The following MAP3K5 variants were observed in gnomAD, a reference collection of about 807,000 sequenced individuals.
MAP3K5 encodes mitogen-activated protein kinase kinase kinase 5.
Under a neutral mutation model 158.7 loss-of-function variants are expected in MAP3K5, and 56 were observed. That is an observed-to-expected ratio of 0.35 (90% CI 0.28 to 0.44). The LOEUF (loss-of-function observed/expected upper bound fraction) is 0.44, where lower values mean the gene tolerates loss of function less well. Ranked by LOEUF, MAP3K5 falls within the 20% of genes least tolerant of loss-of-function variation. The pLI, the probability that MAP3K5 is intolerant of heterozygous loss-of-function variation, is 1.00. For synonymous variants in MAP3K5, 579 were observed against 601.7 expected (o/e 0.96, Z 0.55); for missense variants, 1,294 against 1,674.8 (o/e 0.77, Z 3.97).
At position 136,785,764 on chromosome 6, in the gene MAP3K5, C is replaced by T. The variant is rs115052370; in HGVS notation, c.448+5946G>A. On this transcript the variant is annotated intron_variant, in intron 1 of 29. Transcript: ENST00000359015. ...CCACTCCAAGTTGATGCTTCTCCTA[C>T]ATCTGGCCAAGATGCTACTCAGAGG... 1.4e-3 allele frequency among the ~76,000 whole-genome samples: 209 copies of T among 152,316 alleles called. 1 individual carries two copies. Among genetic ancestry groups the T allele is most frequent in the African/African-American group, 4.6e-3 (191 of 41,570 alleles).
intron 21 of MAP3K5, among the ~76,000 whole-genome samples, chr6:136,598,701 A>G (rs778419049): frequency 6.6e-6 from 1 of 152,222 alleles, no homozygotes; most frequent in Non-Finnish European, 1.5e-5. Context: ...TGGGAGGTAG[A>G]GAACCTTGAG....
At chr6:136,641,906 T>C (rs1257979259) in intron 12 of MAP3K5, among the ~76,000 whole-genome samples, 1 of 151,470 alleles carries the variant, frequency 6.6e-6, no homozygotes, top group African/African-American at 2.4e-5. Context: ...GAGAACATTT[T>C]GGACCTGGGA....
chr6:136,579,009 T>C (rs1345307116), intron 25 of MAP3K5, among the ~76,000 whole-genome samples: 2 of 142,544 alleles, frequency 1.4e-5, no homozygotes, highest in African/African-American at 2.6e-5. Flanking sequence ...CATCTCTACT[T>C]AAAAAAAAAA....
chr6:136,747,157 T>C (rs1394943401), intron 1 of MAP3K5, among the ~76,000 whole-genome samples: 1 of 152,228 alleles, frequency 6.6e-6, no homozygotes, highest in African/African-American at 2.4e-5. Flanking sequence ...CTGGTCTTAT[T>C]GGCCTCCCAA....
chr6:136,657,325 G>GT (rs1262119791), intron 9 of MAP3K5, among the ~76,000 whole-genome samples: 1 of 152,190 alleles, frequency 6.6e-6, no homozygotes, highest in Non-Finnish European at 1.5e-5. Flanking sequence ...AAACATGGAA[G>GT]TTAACATTCC....
At chr6:136,622,401 G>C (rs1776845902) in intron 15 of MAP3K5, among the ~76,000 whole-genome samples, 1 of 152,048 alleles carries the variant, frequency 6.6e-6, no homozygotes. Context: ...CAATTTCAGG[G>C]GCAGCTGCCT....
intron 26 of MAP3K5, among the ~76,000 whole-genome samples, chr6:136,562,895 T>G (rs1830581411): frequency 6.8e-6 from 1 of 147,574 alleles, no homozygotes; most frequent in Non-Finnish European, 1.5e-5. Context: ...CAAGCTGGTC[T>G]CTGAACTCCT....
chr6:136,702,113 G>A (rs990126774), intron 3 of MAP3K5, among the ~76,000 whole-genome samples: 1 of 152,020 alleles, frequency 6.6e-6, no homozygotes, highest in African/African-American at 2.4e-5. Flanking sequence ...AGCATGCTAA[G>A]GGTTTTCCCA....
chr6:136,659,422 A>G lies in MAP3K5; in HGVS notation c.1367-44T>C, dbSNP rs761595396. ...GTAGAATGTTACAAATGCACCCCAC[A>G]CAGGTAGAACCAGGTTTTCACTAAA... On this transcript the variant is annotated intron_variant, in intron 8 of 29. Coordinates refer to ENST00000359015, the MANE Select transcript of MAP3K5 (RefSeq NM_005923.4). 8 of 1,570,518 alleles carry G rather than the reference A, an allele frequency of 5.1e-6. No homozygotes were observed. In the Admixed American group the frequency reaches 1.2e-4, roughly 23 times the overall value.
intron 25 of MAP3K5, among the ~76,000 whole-genome samples, chr6:136,572,897 G>A (rs749351523): frequency 4.6e-5 from 7 of 152,132 alleles, no homozygotes; most frequent in African/African-American, 7.2e-5. Flanking sequence ...ACAGAAGAGC[G>A]CTGAGAGCAC....
At chr6:136,754,889 C>T (rs1393831555) in intron 1 of MAP3K5, among the ~76,000 whole-genome samples, 1 of 152,136 alleles carries the variant, frequency 6.6e-6, no homozygotes, top group Non-Finnish European at 1.5e-5. Flanking sequence ...GATCTCGATG[C>T]TTCAGATGTT....
intron 7 of MAP3K5, among the ~76,000 whole-genome samples, chr6:136,678,044 A>G (rs1233335374): frequency 6.6e-6 from 1 of 152,176 alleles, no homozygotes; most frequent in African/African-American, 2.4e-5. Context: ...AACTCTACCC[A>G]GTTCTGCTGG....
chr6:136,593,723 A>C (rs1231114224), intron 21 of MAP3K5: 1 of 421,026 alleles, frequency 2.4e-6, no homozygotes, highest in African/African-American at 2.1e-5. Flanking sequence ...GCAAAAAAAA[A>C]AAAAAAAAAG....
At chr6:136,656,578 G>A in intron 9 of MAP3K5, 118 bp from the exon 10 acceptor site, 1 of 625,894 alleles carries the variant, frequency 1.6e-6, no homozygotes, top group Non-Finnish European at 2.7e-6. Context: ...TATGCATTCA[G>A]ATTCACCGTT....
intron 7 of MAP3K5, among the ~76,000 whole-genome samples, chr6:136,684,821 G>A (rs983229839): frequency 3.3e-5 from 5 of 152,088 alleles, no homozygotes; most frequent in African/African-American, 1.2e-4. Flanking sequence ...AATACAAATT[G>A]CATTATTTCA....
intron 25 of MAP3K5, among the ~76,000 whole-genome samples, chr6:136,576,272 T>C (rs1240781491): frequency 6.6e-6 from 1 of 152,170 alleles, no homozygotes; most frequent in Non-Finnish European, 1.5e-5. Context: ...CCATCCTTTT[T>C]GACACTTTCT....
intron 7 of MAP3K5, among the ~76,000 whole-genome samples, chr6:136,683,709 T>C (rs761135666): frequency 2.6e-5 from 4 of 152,168 alleles, no homozygotes; most frequent in Non-Finnish European, 4.4e-5. Flanking sequence ...TTCCAAGTAT[T>C]GTGTAAACAC....
At chr6:136,777,787 T>C in intron 1 of MAP3K5, among the ~76,000 whole-genome samples, 1 of 136,440 alleles carries the variant, frequency 7.3e-6, no homozygotes, top group Admixed American at 7.9e-5. Context: ...CTGGTTTGTT[T>C]ATTTTCTATT....
intron 7 of MAP3K5, among the ~76,000 whole-genome samples, chr6:136,675,160 T>C (rs1779652923): frequency 6.6e-6 from 1 of 151,954 alleles, no homozygotes; most frequent in African/African-American, 2.4e-5. Context: ...GTCCCAAATG[T>C]ACCTAATAGC....
Sources: allele counts gnomAD v4.1 joint callset (sites outside exome capture counted in the v4.1 genomes callset), GRCh38; gene constraint gnomAD v4.1.1; transcripts MANE v1.5; gene names NCBI Gene and HGNC (gene_info 2026-07-23, HGNC 2026-07-21).